The following SLC44A2 variants were observed in gnomAD, a reference collection of about 807,000 sequenced individuals.
SLC44A2 encodes choline transporter-like protein 2.
Under a neutral mutation model 90.8 loss-of-function variants are expected in SLC44A2, and 57 were observed. The observed-to-expected ratio is 0.63, with a 90% CI of 0.51 to 0.78. The LOEUF (loss-of-function observed/expected upper bound fraction) is 0.78, where lower values mean the gene tolerates loss of function less well. SLC44A2 is among the 30% of genes least tolerant of loss of function. The probability of loss-of-function intolerance (pLI) is 0.00; values close to 1 mark genes in which losing one functional copy is unlikely to be tolerated. For synonymous variants in SLC44A2, 355 were observed against 360.7 expected, an observed-to-expected ratio of 0.98 and a Z score of 0.18; for missense variants, 794 against 919.7, an observed-to-expected ratio of 0.86 and a Z score of 1.77.
intron 10 of SLC44A2, among the ~76,000 whole-genome samples, chr19:10,634,137 A>ATTTTTTTTTTTTTTTT (rs1177075276): frequency 1.2e-5 from 1 of 80,274 alleles, no homozygotes; most frequent in Non-Finnish European, 2.2e-5. Flanking sequence ...CGCCCAGCTA[A>ATTTTTTTTTTTTTTTT]TTTTTTTTTT....
chr19:10,610,335 T>C (rs1256733377), intron 1 of SLC44A2, among the ~76,000 whole-genome samples: 3 of 146,646 alleles, frequency 2.0e-5, no homozygotes, highest in South Asian at 4.3e-4. Context: ...CTTTTCCTTT[T>C]TTTTTTTTTT....
At chr19:10,606,382 A>G (rs1015572719) in intron 1 of SLC44A2, among the ~76,000 whole-genome samples, 6 of 152,036 alleles carry the variant, frequency 3.9e-5, no homozygotes, top group Admixed American at 6.6e-5. Flanking sequence ...TTAAATATAT[A>G]TATATACATG....
intron 10 of SLC44A2, among the ~76,000 whole-genome samples, chr19:10,634,512 TATG>T (rs2067032649): frequency 6.6e-6 from 1 of 150,910 alleles, no homozygotes; most frequent in Non-Finnish European, 1.5e-5. Context: ...AGCATATGAT[TATG>T]ATTCCAAGTA....
At chr19:10,634,628 G>C in intron 10 of SLC44A2, 128 bp from the exon 11 acceptor site, 7 of 1,342,380 alleles carry the variant, frequency 5.2e-6, no homozygotes, top group Non-Finnish European at 7.3e-6. Flanking sequence ...CGGGCGGTGG[G>C]AACTGCAAGT....
chr19:10,602,659 G>A (rs1917993430), intron 1 of SLC44A2: 1 of 1,113,900 alleles, frequency 9.0e-7, no homozygotes, highest in Non-Finnish European at 1.1e-6. Flanking sequence ...CCGGCGCTGC[G>A]GCTGGATGGC....
chr19:10,607,919 G>A (rs1238663343), intron 1 of SLC44A2, among the ~76,000 whole-genome samples: 2 of 150,352 alleles, frequency 1.3e-5, no homozygotes, highest in African/African-American at 2.4e-5. Flanking sequence ...CACTGCCCCC[G>A]GCTAATTTTT....
Position 10,625,613 on chromosome 19 carries a change from C to A in SLC44A2, c.-21C>A. 8.0e-7 allele frequency: 1 copy of A among 1,244,450 alleles called. No homozygotes were observed. Among genetic ancestry groups the A allele is most frequent in the Non-Finnish European group, 1.0e-6 (1 of 989,948 alleles). 77.1% of individuals were successfully genotyped at this position (1,244,450 alleles called of 1,614,324 possible). A position where few individuals can be genotyped will look rare whatever the true frequency, so the allele number is the denominator to read the frequency against. On this transcript the variant is annotated 5_prime_UTR_variant, in exon 1 of 22. Transcript: ENST00000335757. ...CGCGGGAGAGAGCGCGGGCGGCCGC[C>A]GGGGCTGGTCGCCTGCAGGGATGGG...
intron 4 of SLC44A2, among the ~76,000 whole-genome samples, chr19:10,629,697 C>A (rs1375897874): frequency 2.0e-5 from 3 of 152,018 alleles, no homozygotes; most frequent in African/African-American, 7.2e-5. Flanking sequence ...CCCACCTGGG[C>A]CTTCCAAAGT....
At chr19:10,625,827 C>G (rs1225202786) in intron 1 of SLC44A2, among the ~76,000 whole-genome samples, 157 bp downstream of exon 1, 2 of 152,066 alleles carry the variant, frequency 1.3e-5, no homozygotes, top group Non-Finnish European at 2.9e-5. Flanking sequence ...CCCCTTCACC[C>G]CACTTATCCC....
At position 10,643,330 on chromosome 19, in the gene SLC44A2, C is replaced by T; in HGVS notation, c.2066C>T (p.Ser689Phe). The stretch of plus-strand genomic sequence containing the variant: ...TCGGCCGAGAGGCCTTACTTCATGT[C>T]TTCCACCCTCAAGAAACTCTTGAAC... ...DGSAERPYFM[S>F]STLKKLLNKT... Residue 689 changes from serine to phenylalanine, a missense_variant, in exon 22 of 22, where the codon TCT (serine) becomes TTT (phenylalanine). By Grantham distance (155) the Ser-to-Phe change is radical. This residue lies in a region of SLC44A2 where 44 missense variants were observed against 43.9 expected (regional missense o/e 1.00). Coordinates refer to ENST00000335757, the MANE Select transcript of SLC44A2 (RefSeq NM_020428.4). 4 of 1,612,678 alleles carry T rather than the reference C, an allele frequency of 2.5e-6. No individual in the cohort carries two copies. Among genetic ancestry groups the T allele is most frequent in the Non-Finnish European group, 3.4e-6 (4 of 1,179,270 alleles).
intron 1 of SLC44A2, among the ~76,000 whole-genome samples, chr19:10,616,917 T>C (rs2144820558): frequency 6.6e-6 from 1 of 151,680 alleles, no homozygotes; most frequent in South Asian, 2.1e-4. Flanking sequence ...TTGTTCTTCT[T>C]ATCTTTTATT....
At chr19:10,613,732 G>A (rs866882142) in intron 1 of SLC44A2, among the ~76,000 whole-genome samples, 3 of 152,188 alleles carry the variant, frequency 2.0e-5, no homozygotes, top group East Asian at 1.9e-4. Flanking sequence ...GACATGGAAC[G>A]ACGGAAGCGA....
Position 10,638,264 on chromosome 19 carries a change from G to C in SLC44A2, c.1878G>C (p.Arg626Ser), listed in dbSNP as rs980299310. Residue 626 changes from arginine (R) to serine (S), a missense_variant, in exon 20 of 22, where the codon AGG becomes AGC. Arg to Ser is a moderately radical substitution (Grantham distance 110). Around this residue, in one of 3 missense-constraint regions of SLC44A2, gnomAD observed 738 missense variants for 841.1 expected, o/e 0.88. Transcript: ENST00000335757. The part of the protein sequence containing the change: ...LAFFFFTHRI[R>S]IVQDTAPPLN... ...TCTTCTTCTTCACCCACCGTATCAG[G>C]ATCGTGCAGGATACAGCACCACCCC... 1 of 1,613,940 alleles carries C rather than the reference G, an allele frequency of 6.2e-7. No individual in the cohort carries two copies. Among genetic ancestry groups the C allele is most frequent in the African/African-American group, 1.3e-5 (1 of 74,878 alleles).
In SLC44A2 at chr19:10,617,821, T is replaced by C. The variant is rs1004898862; in HGVS notation, c.32-8432T>C. Among the ~76,000 whole-genome samples the C allele has an allele frequency of 3.5e-4, 54 of 152,164 alleles. 1 individual carries two copies. Among genetic ancestry groups the C allele is most frequent in the Admixed American group, 1.3e-4 (2 of 15,248 alleles). On this transcript the variant is annotated intron_variant, in intron 1 of 21. Transcript: ENST00000407327. ...AGTTCGCTTTGCTCACCACTGGCTG[T>C]CTCTATGCAGCCGCTCACCCTCTGC... is the stretch of plus-strand genomic sequence containing the variant.
At chr19:10,625,406 C>T (rs2066921688), upstream of SLC44A2, 1 of 1,151,292 alleles carries the variant, frequency 8.7e-7, no homozygotes. Context: ...ATGCGGCCGG[C>T]CGGTGAGTGG....
intron 20 of SLC44A2, among the ~76,000 whole-genome samples, chr19:10,639,458 G>A (rs924792762): frequency 1.3e-5 from 2 of 152,094 alleles, no homozygotes; most frequent in African/African-American, 2.4e-5. Flanking sequence ...TCCAGGTGGT[G>A]CCATGCAGGT....
At chr19:10,616,838 G>T (rs1412982001) in intron 1 of SLC44A2, among the ~76,000 whole-genome samples, 1 of 152,064 alleles carries the variant, frequency 6.6e-6, no homozygotes, top group Admixed American at 6.6e-5. Context: ...TAACTCCTGG[G>T]CTCCAGTCAT....
chr19:10,624,718 G>C (rs904194658), upstream of SLC44A2, among the ~76,000 whole-genome samples: 3 of 152,250 alleles, frequency 2.0e-5, no homozygotes, highest in African/African-American at 7.2e-5. Flanking sequence ...TGCAGAAGGA[G>C]CATTTGAATT....
Position 10,631,306 on chromosome 19 carries a change from T to C in SLC44A2, c.362T>C (p.Leu121Pro), listed in dbSNP as rs764962192. ...ICVEKCPDRY[L>P]TYLNARSSRD... is the part of the protein sequence containing the mutation. The stretch of plus-strand genomic sequence containing the variant: ...GTGGAAAAATGCCCCGACCGCTACC[T>C]CACGTACCTGAATGCTCGCAGCTCC... Residue 121 changes from leucine (L) to proline (P), a missense_variant, in exon 6 of 22, where the codon CTC becomes CCC. By Grantham distance (98) the Leu-to-Pro change is moderately conservative. Around this residue, in one of 3 missense-constraint regions of SLC44A2, gnomAD observed 738 missense variants for 841.1 expected, o/e 0.88. Transcript: ENST00000335757. 1 of 1,614,108 alleles carries C rather than the reference T, an allele frequency of 6.2e-7. No homozygotes were observed. The highest frequency in any genetic ancestry group is 8.5e-7 in the Non-Finnish European group (1 of 1,180,022).
Sources: gnomAD v4.1 joint callset for allele counts (sites outside exome capture counted in the v4.1 genomes callset) on GRCh38, gnomAD v4.1.1 for gene constraint, gnomAD v4.1.1 regional missense constraint, MANE v1.5 for transcripts, NCBI Gene and HGNC (gene_info 2026-07-23, HGNC 2026-07-21) for gene names.